The following MACROD2 variants were observed in gnomAD, a reference collection of about 807,000 sequenced individuals.
The protein encoded by MACROD2 is ADP-ribose glycohydrolase MACROD2.
A neutral mutation model predicts 70.4 loss-of-function variants in MACROD2; 36 were observed. That is an observed-to-expected ratio of 0.51 (90% CI 0.39 to 0.68). MACROD2 has a LOEUF of 0.68. Among genes scored for constraint, MACROD2 ranks in the 30% least tolerant of loss-of-function variants. The probability of loss-of-function intolerance (pLI) is 0.00; values close to 1 mark genes in which losing one functional copy is unlikely to be tolerated. For missense variants in MACROD2, 496 were observed against 538.4 expected, an observed-to-expected ratio of 0.92 and a Z score of 0.78; for synonymous variants, 172 against 178.8, an observed-to-expected ratio of 0.96 and a Z score of 0.30.
chr20:14,725,476 G>A (rs2071518046), intron 5 of MACROD2, among the ~76,000 whole-genome samples: 2 of 152,112 alleles, frequency 1.3e-5, no homozygotes, highest in Admixed American at 6.5e-5. Context: ...AACTGAGCTA[G>A]AAAGAAAAAT....
intron 5 of MACROD2, among the ~76,000 whole-genome samples, chr20:14,986,301 G>T (rs2074848217): frequency 6.6e-6 from 1 of 151,988 alleles, no homozygotes; most frequent in African/African-American, 2.4e-5. Context: ...ATTTCTTTAT[G>T]ACCCCCATTA....
intron 16 of MACROD2, among the ~76,000 whole-genome samples, chr20:16,041,759 TA>T (rs1420849108): frequency 1.3e-5 from 2 of 151,990 alleles, no homozygotes; most frequent in Non-Finnish European, 2.9e-5. Context: ...AGTGAGTCTT[TA>T]AAAGCACCTT....
chr20:14,621,357 C>A (rs527709619), intron 4 of MACROD2, among the ~76,000 whole-genome samples: 15 of 151,810 alleles, frequency 9.9e-5, no homozygotes, highest in Non-Finnish European at 2.2e-4. Flanking sequence ...GCCTTTTTTG[C>A]CTGGAGAAAA....
chr20:14,409,915 C>G (rs142326540), intron 3 of MACROD2, among the ~76,000 whole-genome samples: 1 of 152,230 alleles, frequency 6.6e-6, no homozygotes, highest in East Asian at 1.9e-4. Flanking sequence ...TGTAGCTCTT[C>G]CCATATCTCC....
chr20:14,598,335 C>T (rs1202994713), intron 4 of MACROD2, among the ~76,000 whole-genome samples: 4 of 151,926 alleles, frequency 2.6e-5, no homozygotes, highest in Admixed American at 6.6e-5. Flanking sequence ...ACCATTTTTC[C>T]AGAAGTATTT....
chr20:15,702,211 T>A (rs113751328), intron 8 of MACROD2, among the ~76,000 whole-genome samples: 8,445 of 152,342 alleles, frequency 0.055, 288 homozygotes, highest in East Asian at 0.12. Flanking sequence ...AAATGGTATT[T>A]CTATTTTAAG....
rs1009224648 is a variant in MACROD2, at chr20:15,995,385, T to C, written c.1153+8227T>C. Among the ~76,000 whole-genome samples, 3 of 151,708 alleles carry C rather than the reference T, an allele frequency of 2.0e-5. No homozygotes were observed. In the East Asian group the frequency reaches 5.8e-4, roughly 29 times the overall value. The stretch of plus-strand genomic sequence containing the variant: ...TTTTTTTGGAGATGGAGTCTCGCTC[T>C]GTCACCCAGGCTGGAGTGCAGTGGC... On this transcript the variant is annotated intron_variant, in intron 15 of 17. Coordinates refer to ENST00000684519, the MANE Select transcript of MACROD2 (RefSeq NM_001351661.2).
chr20:14,487,283 C>T (rs1355949845), intron 3 of MACROD2, among the ~76,000 whole-genome samples: 1 of 152,160 alleles, frequency 6.6e-6, no homozygotes, highest in Non-Finnish European at 1.5e-5. Flanking sequence ...ACTTTTACTC[C>T]TCTCAGCAAA....
At chr20:15,054,741 G>A (rs1039567128) in intron 5 of MACROD2, among the ~76,000 whole-genome samples, 6 of 152,114 alleles carry the variant, frequency 3.9e-5, no homozygotes, top group Admixed American at 3.9e-4. Flanking sequence ...TACAGAGGGA[G>A]AATAGATCAC....
chr20:15,726,320 C>G (rs568318469), intron 8 of MACROD2, among the ~76,000 whole-genome samples: 1 of 152,192 alleles, frequency 6.6e-6, no homozygotes, highest in South Asian at 2.1e-4. Context: ...TTTTCTTTAT[C>G]CAGTCCACCA....
intron 8 of MACROD2, among the ~76,000 whole-genome samples, chr20:15,584,189 A>G (rs2048565151): frequency 6.6e-6 from 1 of 152,184 alleles, no homozygotes; most frequent in South Asian, 2.1e-4. Context: ...CCTGGATCTC[A>G]CTGGAGACTT....
At chr20:15,157,349 A>ACCCCCCCC (rs71870874) in intron 5 of MACROD2, among the ~76,000 whole-genome samples, 18 of 109,464 alleles carry the variant, frequency 1.6e-4, no homozygotes, top group African/African-American at 4.2e-4. Context: ...CTAATTAACC[A>ACCCCCCCC]CCCCCCCCCA....
intron 4 of MACROD2, among the ~76,000 whole-genome samples, chr20:14,601,368 C>T (rs925066994): frequency 5.3e-5 from 8 of 152,146 alleles, no homozygotes; most frequent in South Asian, 2.1e-4. Context: ...CTAATGCCAC[C>T]GGGGATATGA....
intron 5 of MACROD2, among the ~76,000 whole-genome samples, chr20:14,859,324 A>G (rs2073290222): frequency 6.6e-6 from 1 of 152,208 alleles, no homozygotes; most frequent in South Asian, 2.1e-4. Flanking sequence ...AGTGTTAATT[A>G]TTATAATAAT....
chr20:15,808,177 C>T (rs938717683), intron 8 of MACROD2, among the ~76,000 whole-genome samples: 5 of 152,150 alleles, frequency 3.3e-5, no homozygotes, highest in Admixed American at 2.0e-4. Context: ...GGAGTCTTGC[C>T]GATGCTCCCG....
At chr20:14,311,139 C>G (rs2082563697) in intron 3 of MACROD2, among the ~76,000 whole-genome samples, 3 of 152,164 alleles carry the variant, frequency 2.0e-5, no homozygotes, top group African/African-American at 7.2e-5. Context: ...TCTAGGCCTT[C>G]ACATTCACTC....
chr20:14,419,483 T>G (rs895149344), intron 3 of MACROD2, among the ~76,000 whole-genome samples: 1 of 152,212 alleles, frequency 6.6e-6, no homozygotes, highest in Non-Finnish European at 1.5e-5. Context: ...GCTGGGGAAT[T>G]GACAGGAAAA....
At chr20:14,813,216 C>T (rs2122181639) in intron 5 of MACROD2, among the ~76,000 whole-genome samples, 1 of 151,700 alleles carries the variant, frequency 6.6e-6, no homozygotes, top group East Asian at 1.9e-4. Context: ...TTCCAGGATA[C>T]ATGTACAGGG....
chr20:14,931,134 T>C (rs1301208056), intron 5 of MACROD2, among the ~76,000 whole-genome samples: 1 of 152,038 alleles, frequency 6.6e-6, no homozygotes, highest in Non-Finnish European at 1.5e-5. Flanking sequence ...GAATAAAATT[T>C]AGGAAGCAAC....
Sources: allele counts gnomAD v4.1 joint callset (sites outside exome capture counted in the v4.1 genomes callset), GRCh38; gene constraint gnomAD v4.1.1; transcripts MANE v1.5; gene names NCBI Gene and HGNC (gene_info 2026-07-23, HGNC 2026-07-21).